PEAK1: variants seen among roughly 807,000 people sequenced by gnomAD.
PEAK1 encodes inactive tyrosine-protein kinase PEAK1.
PEAK1 carries 54 observed loss-of-function variants against 124.7 expected under a neutral mutation model. That is an observed-to-expected ratio of 0.43 (90% confidence interval 0.35 to 0.54). PEAK1 has a LOEUF of 0.54. Among genes scored for constraint, PEAK1 ranks in the 20% least tolerant of loss-of-function variants. PEAK1 has a pLI of 0.01. For synonymous variants in PEAK1, 719 were observed against 760.0 expected, an observed-to-expected ratio of 0.95 and a Z score of 0.89; for missense variants, 2,046 against 2,134.5, an observed-to-expected ratio of 0.96 and a Z score of 0.82.
At chr15:77,395,906 G>GA (rs2070843676) in intron 1 of PEAK1, among the ~76,000 whole-genome samples, 1 of 152,110 alleles carries the variant, frequency 6.6e-6, no homozygotes, top group Non-Finnish European at 1.5e-5. Flanking sequence ...ATAGTATATA[G>GA]AAAAGCACAT....
chr15:77,253,775 GCTT>G (rs1212150323), intron 5 of PEAK1, among the ~76,000 whole-genome samples: 3 of 151,950 alleles, frequency 2.0e-5, no homozygotes, highest in African/African-American at 7.3e-5. Flanking sequence ...TGTATTTAAT[GCTT>G]CTTTTGTTTT....
chr15:77,356,033 A>G, intron 2 of PEAK1: 1 of 725,108 alleles, frequency 1.4e-6, no homozygotes. Context: ...CTTGTATTCC[A>G]GTGCCCATGT....
At chr15:77,413,850 G>T (rs887147595) in intron 1 of PEAK1, among the ~76,000 whole-genome samples, 1 of 152,162 alleles carries the variant, frequency 6.6e-6, no homozygotes, top group African/African-American at 2.4e-5. Flanking sequence ...TTGAGACAGG[G>T]TCTTACTCTG....
At chr15:77,213,750 G>C (rs940498256) in intron 6 of PEAK1, among the ~76,000 whole-genome samples, 14 of 151,848 alleles carry the variant, frequency 9.2e-5, no homozygotes, top group African/African-American at 3.4e-4. Context: ...TGATGAACAG[G>C]ATTTATTTAT....
chr15:77,370,204 C>A lies in PEAK1; in HGVS notation c.-665-4979G>T, dbSNP rs117183019. 7.2e-5 allele frequency among the ~76,000 whole-genome samples: 11 copies of A among 152,308 alleles called. No homozygotes were observed. In the East Asian group the frequency reaches 2.1e-3, roughly 29 times the overall value. On this transcript the variant is annotated intron_variant, in intron 1 of 9. Transcript: ENST00000682557. Reference sequence around the variant, plus strand: ...GGACCTTGGTCTATGTGGTTTCTCTCCTATGGACATGACTTCCTTTCTCCA... The same window carrying A: ...GGACCTTGGTCTATGTGGTTTCTCTACTATGGACATGACTTCCTTTCTCCA...
chr15:77,329,315 T>C (rs947728437), intron 2 of PEAK1, among the ~76,000 whole-genome samples: 1 of 152,204 alleles, frequency 6.6e-6, no homozygotes, highest in African/African-American at 2.4e-5. Context: ...GACTCAACCT[T>C]ACCACTGAAA....
intron 6 of PEAK1, among the ~76,000 whole-genome samples, chr15:77,190,652 TA>T (rs761974738): frequency 3.3e-5 from 5 of 152,244 alleles, no homozygotes; most frequent in Non-Finnish European, 5.9e-5. Flanking sequence ...CTGTAAGAAA[TA>T]ATGAGAAAAG....
chr15:77,282,247 G>A (rs1463831146), intron 5 of PEAK1, among the ~76,000 whole-genome samples: 1 of 151,714 alleles, frequency 6.6e-6, no homozygotes, highest in Non-Finnish European at 1.5e-5. Flanking sequence ...AGAGTTCCTC[G>A]AATTTCCATA....
At chr15:77,346,563 G>T in intron 2 of PEAK1, 7 of 985,230 alleles carry the variant, frequency 7.1e-6, no homozygotes, top group Non-Finnish European at 8.4e-6. Flanking sequence ...AAAATAGATG[G>T]AAACAGTCAC....
chr15:77,368,036 G>A (rs2068372990), intron 1 of PEAK1, among the ~76,000 whole-genome samples: 1 of 152,076 alleles, frequency 6.6e-6, no homozygotes, highest in Admixed American at 6.6e-5. Context: ...AAACTGTTTG[G>A]ATTCATGATT....
chr15:77,407,914 CACATATAT>C (rs780847598), intron 1 of PEAK1, among the ~76,000 whole-genome samples: 1 of 128,084 alleles, frequency 7.8e-6, no homozygotes, highest in African/African-American at 2.6e-5. Flanking sequence ...CATATATATA[CACATATAT>C]ACATATATAC....
In PEAK1 at chr15:77,346,433, T is replaced by TC. The variant is rs200657002; in HGVS notation, c.-603+18729dup. ...ATTTTGCTAGGATGACAGTGATCAG[T>TC]CCCTTGGGGGAGAGGCCAACTCAAG... On this transcript the variant is annotated intron_variant, in intron 2 of 9. Coordinates refer to ENST00000682557, the MANE Select transcript of PEAK1 (RefSeq NM_001385026.1). 1.1e-4 allele frequency: 104 copies of TC among 985,072 alleles called. 2 individuals are homozygous for TC. In the East Asian group the frequency reaches 0.012, roughly 110 times the overall value. The allele number at this position is 985,072 out of a possible 1,614,324, so 61.0% of individuals were successfully genotyped here.
intron 6 of PEAK1, among the ~76,000 whole-genome samples, chr15:77,219,438 C>T (rs184957707): frequency 5.1e-4 from 77 of 152,156 alleles, no homozygotes; most frequent in African/African-American, 1.8e-3. Flanking sequence ...TATGTATGAG[C>T]ATAGTTAATT....
At chr15:77,404,658 T>TTCGAGACTATAAAGAG in intron 1 of PEAK1, 1 of 953,140 alleles carries the variant, frequency 1.0e-6, no homozygotes, top group Non-Finnish European at 1.2e-6. Flanking sequence ...AGACATATTC[T>TTCGAGACTATAAAGAG]TCGAGACTAT....
intron 1 of PEAK1, among the ~76,000 whole-genome samples, chr15:77,394,991 C>T (rs1193088044): frequency 2.6e-5 from 4 of 151,766 alleles, no homozygotes; most frequent in Non-Finnish European, 5.9e-5. Context: ...TCCTATGTAC[C>T]CATAAAAATT....
intron 7 of PEAK1, among the ~76,000 whole-genome samples, chr15:77,176,053 G>A (rs2056844897): frequency 6.6e-6 from 1 of 151,622 alleles, no homozygotes; most frequent in Non-Finnish European, 1.5e-5. Context: ...ATTGAACAAT[G>A]AGAACACATG....
intron 1 of PEAK1, among the ~76,000 whole-genome samples, 160 bp downstream of exon 1, chr15:77,419,843 CCGG>C (rs1449555109): frequency 6.7e-6 from 1 of 148,720 alleles, no homozygotes; most frequent in African/African-American, 2.4e-5. Context: ...CGCCAGAGCC[CCGG>C]CGGCGGCGCC....
intron 1 of PEAK1, chr15:77,417,316 T>C (rs1477730850): frequency 2.1e-6 from 2 of 974,496 alleles, no homozygotes; most frequent in East Asian, 2.3e-4. Flanking sequence ...CAAACAAATG[T>C]AAACTATCTA....
intron 2 of PEAK1, among the ~76,000 whole-genome samples, chr15:77,341,940 CTT>C (rs1043700782): frequency 6.6e-5 from 10 of 151,976 alleles, no homozygotes; most frequent in African/African-American, 2.2e-4. Flanking sequence ...AAAATTAAGA[CTT>C]TATTTTTTAG....
Sources: allele counts gnomAD v4.1 joint callset (sites outside exome capture counted in the v4.1 genomes callset), GRCh38; gene constraint gnomAD v4.1.1; transcripts MANE v1.5; gene names NCBI Gene and HGNC (gene_info 2026-07-23, HGNC 2026-07-21).